The following DNAJC13 variants were observed in gnomAD, a reference collection of about 807,000 sequenced individuals.
DNAJC13 encodes dnaJ homolog subfamily C member 13.
DNAJC13 carries 75 observed loss-of-function variants against 290.5 expected under a neutral mutation model. The ratio of observed to expected loss-of-function variants is 0.26; its 90% CI spans 0.21 to 0.31. The LOEUF (loss-of-function observed/expected upper bound fraction) is 0.31. Ranked by LOEUF, DNAJC13 falls within the 10% of genes least tolerant of loss-of-function variation. The pLI is 1.00. For missense variants in DNAJC13, 2,260 were observed against 2,674.5 expected (o/e 0.85, Z 3.42); for synonymous variants, 862 against 892.0 (o/e 0.97, Z 0.60).
At chr3:132,467,852 G>A (rs765489780) in intron 20 of DNAJC13, among the ~76,000 whole-genome samples, 2 of 152,034 alleles carry the variant, frequency 1.3e-5, no homozygotes, top group Non-Finnish European at 2.9e-5. Flanking sequence ...TTTTATTTTG[G>A]TATTTAATAT....
At chr3:132,508,273 A>G (rs1935656108) in intron 43 of DNAJC13, among the ~76,000 whole-genome samples, 1 of 152,236 alleles carries the variant, frequency 6.6e-6, no homozygotes, top group East Asian at 1.9e-4. Context: ...CTAAAAGTGC[A>G]AGGTGAAGCA....
At chr3:132,461,322 G>A (rs1192947728) in intron 15 of DNAJC13, 117 bp downstream of exon 15, 3 of 1,038,424 alleles carry the variant, frequency 2.9e-6, no homozygotes, top group South Asian at 1.4e-5. Flanking sequence ...CAGTCGTTTG[G>A]CTTTCCTGGG....
Position 132,453,844 on chromosome 3 carries a change from C to T in DNAJC13, c.840+150C>T, listed in dbSNP as rs551107263. Reference sequence around the variant, plus strand: ...TCTTAACATATTTATATTAATTGATCATAGAACAATGATTATTACAAAAGT... The same window carrying T: ...TCTTAACATATTTATATTAATTGATTATAGAACAATGATTATTACAAAAGT... On this transcript the variant is annotated intron_variant, in intron 8 of 55. Transcript: ENST00000260818. The T allele has an allele frequency of 1.0e-4, 78 of 757,770 alleles. No individual in the cohort carries two copies. In the African/African-American group the frequency reaches 1.3e-3, roughly 13 times the overall value. 46.9% of individuals were successfully genotyped at this position (757,770 alleles called of 1,614,324 possible). A position where few individuals can be genotyped will look rare whatever the true frequency, so the allele number is the denominator to read the frequency against.
chr3:132,525,658 G>A lies in DNAJC13; in HGVS notation c.6109G>A (p.Ala2037Thr), dbSNP rs918042561. ...LTMATVCLFS[A>T]QPQLADQVPP... is the part of the protein sequence containing the mutation. ...AATGGCAACAGTGTGTCTCTTCAGC[G>A]CACAACCTCAGCTGGCAGATCAGGT... Residue 2037 changes from alanine (A) to threonine (T), a missense_variant, in exon 52 of 56, where the codon GCA (alanine) becomes ACA (threonine). This residue lies in a region of DNAJC13 where 1,494 missense variants were observed against 1,693.7 expected (regional missense o/e 0.88). Transcript: ENST00000260818. The A allele has an allele frequency of 3.8e-5, 62 of 1,614,014 alleles. No homozygotes were observed. The highest frequency in any genetic ancestry group is 6.7e-5 in the African/African-American group (5 of 74,920).
chr3:132,502,439 A>G lies in DNAJC13; in HGVS notation c.4687A>G (p.Ile1563Val), dbSNP rs772673781. 6.2e-7 allele frequency: 1 copy of G among 1,609,932 alleles called. No homozygotes were observed. The part of the protein sequence containing the change: ...NYDYTLEESG[I>V]QKSEETNQQE... ...TGACTACACACTAGAAGAGAGTGGC[A>G]TTCAGAAAAGTGAAGAAACAAACCA... The change falls in exon 40 of 56, where the codon ATT becomes GTT. Residue 1563 changes from isoleucine to valine, a missense_variant. Physicochemically the swap from Ile to Val is conservative, Grantham distance 29. Coordinates refer to ENST00000260818, the MANE Select transcript of DNAJC13 (RefSeq NM_015268.4).
intron 52 of DNAJC13, 97 bp from the exon 53 acceptor site, chr3:132,526,044 G>T: frequency 6.8e-7 from 1 of 1,464,640 alleles, no homozygotes; most frequent in Non-Finnish European, 9.1e-7. Flanking sequence ...GAAAGTAAGG[G>T]ATTCTTTTTT....
intron 17 of DNAJC13, 50 bp downstream of exon 17, chr3:132,463,867 T>A (rs1237825041): frequency 3.8e-6 from 6 of 1,575,462 alleles, no homozygotes; most frequent in Non-Finnish European, 4.3e-6. Context: ...GTCTAGAGAA[T>A]TGATTCAGAT....
At chr3:132,462,546 T>C (rs1280399859) in intron 16 of DNAJC13, 23 bp downstream of exon 16, 1 of 1,568,354 alleles carries the variant, frequency 6.4e-7, no homozygotes, top group Middle Eastern at 1.7e-4. Flanking sequence ...TTTTGAAATT[T>C]TAACCTTACT....
intron 3 of DNAJC13, among the ~76,000 whole-genome samples, chr3:132,446,754 C>T (rs1002319512): frequency 9.8e-3 from 2 of 204 alleles, no homozygotes; most frequent in African/African-American, 0.032. Flanking sequence ...ATGCTTATTT[C>T]TAGGGCTCTC....
At chr3:132,420,693 G>A (rs944357658) in intron 1 of DNAJC13, among the ~76,000 whole-genome samples, 6 of 152,088 alleles carry the variant, frequency 3.9e-5, no homozygotes, top group African/African-American at 7.2e-5. Context: ...TCGCCCACCA[G>A]AGAGACAAAC....
In DNAJC13 at chr3:132,488,666, TC is replaced by T. The variant is rs1262608824; in HGVS notation, c.3422+215del. 5.3e-5 allele frequency among the ~76,000 whole-genome samples: 8 copies of T among 152,294 alleles called. No homozygotes were observed. In the East Asian group the frequency reaches 1.5e-3, roughly 29 times the overall value. Reference sequence around the variant, plus strand: ...CCACATCTAGCATAAGAATGTATTATCTAGTATTTAAGTATGTATTTAATAT... The same window carrying T: ...CCACATCTAGCATAAGAATGTATTATTAGTATTTAAGTATGTATTTAATAT... On this transcript the variant is annotated intron_variant, in intron 30 of 55. Transcript: ENST00000260818.
At chr3:132,504,334 G>A (rs1221786719) in intron 41 of DNAJC13, among the ~76,000 whole-genome samples, 1 of 140,142 alleles carries the variant, frequency 7.1e-6, no homozygotes, top group Non-Finnish European at 1.6e-5. Context: ...TTTTAATTTT[G>A]TTTTTGTTTT....
At chr3:132,455,694 C>G (rs935410769) in intron 9 of DNAJC13, among the ~76,000 whole-genome samples, 4 of 152,170 alleles carry the variant, frequency 2.6e-5, no homozygotes, top group Admixed American at 1.3e-4. Flanking sequence ...GGATGAATCT[C>G]AAAAGCCTAT....
chr3:132,518,726 A>C (rs1295848881), intron 48 of DNAJC13, among the ~76,000 whole-genome samples: 1 of 152,106 alleles, frequency 6.6e-6, no homozygotes, highest in African/African-American at 2.4e-5. Context: ...TACAGTTCAC[A>C]CATATCTAGT....
chr3:132,467,874 C>T (rs1009659302), intron 20 of DNAJC13, among the ~76,000 whole-genome samples: 1 of 152,122 alleles, frequency 6.6e-6, no homozygotes, highest in African/African-American at 2.4e-5. Flanking sequence ...GAATTCCACT[C>T]TTAATTTTTC....
At position 132,442,656 on chromosome 3, in the gene DNAJC13, A is replaced by G. The variant is rs144188354; in HGVS notation, c.69-3819A>G. ...TTCTTTAAGCAGCATTTGTTTCCTG[A>G]TTCTAAATAACATTATACCTAATGG... On this transcript the variant is annotated intron_variant, in intron 2 of 55. Transcript: ENST00000260818. 2.3e-3 allele frequency among the ~76,000 whole-genome samples: 354 copies of G among 152,284 alleles called. 1 individual carries two copies. The highest frequency in any genetic ancestry group is 8.2e-3 in the African/African-American group (339 of 41,558).
chr3:132,514,542 CT>C lies in DNAJC13; in HGVS notation c.5386-25del, dbSNP rs1304401139. 3 of 1,532,724 alleles carry C rather than the reference CT, an allele frequency of 2.0e-6. No homozygotes were observed. In the East Asian group the frequency reaches 6.9e-5, roughly 35 times the overall value. The allele number at this position is 1,532,724 out of a possible 1,614,324, so 94.9% of individuals were successfully genotyped here. A position where few individuals can be genotyped will look rare whatever the true frequency, so the allele number is the denominator to read the frequency against. On this transcript the variant is annotated intron_variant, in intron 45 of 55. Coordinates refer to ENST00000260818, the MANE Select transcript of DNAJC13 (RefSeq NM_015268.4). ...TTTAGGTTCAAAATTATTTCTGAAA[CT>C]TTTACTATCCTGTTGATTAATTTTC...
At position 132,451,579 on chromosome 3, in the gene DNAJC13, A is replaced by G. The variant is rs183654701; in HGVS notation, c.537+732A>G. Among the ~76,000 whole-genome samples the G allele has an allele frequency of 9.9e-5, 15 of 152,240 alleles. No individual in the cohort carries two copies. The East Asian group carries it at 2.9e-3, about 29-fold the overall frequency. The stretch of plus-strand genomic sequence containing the variant: ...AGATACATCCTGCCTTTCTGTCTCA[A>G]AGATGTGCGGTAGAGAAAGTCTCCA... On this transcript the variant is annotated intron_variant, in intron 6 of 55. Transcript: ENST00000260818.
At chr3:132,503,756 CAG>C (rs1233679702) in intron 41 of DNAJC13, among the ~76,000 whole-genome samples, 1 of 152,038 alleles carries the variant, frequency 6.6e-6, no homozygotes, top group Non-Finnish European at 1.5e-5. Context: ...TATTCAGACA[CAG>C]GGTTAAAATC....
Sources: gnomAD v4.1 joint callset for allele counts (sites outside exome capture counted in the v4.1 genomes callset) on GRCh38, gnomAD v4.1.1 for gene constraint, gnomAD v4.1.1 regional missense constraint, MANE v1.5 for transcripts, NCBI Gene and HGNC (gene_info 2026-07-23, HGNC 2026-07-21) for gene names.